SCYL2: variants seen among roughly 807,000 people sequenced by gnomAD.
SCYL2 encodes SCY1-like protein 2.
Under a neutral mutation model 100.4 loss-of-function variants are expected in SCYL2, and 36 were observed. The ratio of observed to expected loss-of-function variants is 0.36; its 90% CI spans 0.27 to 0.47. The LOEUF (loss-of-function observed/expected upper bound fraction) is 0.47. Among genes scored for constraint, SCYL2 ranks in the 20% least tolerant of loss-of-function variants. SCYL2 has a pLI of 1.00. For synonymous variants in SCYL2, 330 were observed against 359.2 expected (o/e 0.92, Z 0.92); for missense variants, 902 against 1,083.9 (o/e 0.83, Z 2.36).
chr12:100,284,652 G>T (rs999364179), intron 2 of SCYL2, among the ~76,000 whole-genome samples: 1 of 152,046 alleles, frequency 6.6e-6, no homozygotes. Context: ...TAGTAGAGAC[G>T]GGGTTTCACC....
chr12:100,325,401 A>G lies in SCYL2; in HGVS notation c.1510-1221A>G, dbSNP rs1232628958. On this transcript the variant is annotated intron_variant, in intron 11 of 17. Transcript: ENST00000360820. ...GTTTACAAGAAGTTATAATGAATGTATTTATATTTAGAACAGTAACTAGGA... is the reference window on the plus strand; with the variant it reads ...GTTTACAAGAAGTTATAATGAATGTGTTTATATTTAGAACAGTAACTAGGA... Among the ~76,000 whole-genome samples the G allele has an allele frequency of 2.6e-5, 4 of 152,344 alleles. No homozygotes were observed. The East Asian group carries it at 5.8e-4, about 22-fold the overall frequency.
At chr12:100,296,499 A>G (rs577859028) in intron 3 of SCYL2, among the ~76,000 whole-genome samples, 47 of 152,290 alleles carry the variant, frequency 3.1e-4, no homozygotes, top group African/African-American at 9.1e-4. Flanking sequence ...AAAAGGAGGA[A>G]TATTGTCGTA....
In SCYL2 at chr12:100,291,533, C is replaced by T; in HGVS notation, c.208C>T (p.Leu70=). Residue 70 remains leucine (L), a synonymous_variant, in exon 3 of 18, where the codon CTG becomes TTG. Transcript: ENST00000360820. ...EVAVFVFDKK[L]IDKYQKFEKD... ...GGCAGTTTTTGTCTTTGATAAAAAA[C>T]TGATTGACAAGTATCAAAAATTTGA... 1.9e-6 allele frequency: 3 copies of T among 1,571,518 alleles called. No individual in the cohort carries two copies. The highest frequency in any genetic ancestry group is 1.7e-6 in the Non-Finnish European group (2 of 1,164,366).
In SCYL2 at chr12:100,341,357, G is replaced by A. The variant is rs1382664032; in HGVS notation, c.*2185G>A. 6.6e-6 allele frequency: 1 copy of A among 152,142 alleles called. No individual in the cohort carries two copies. Among genetic ancestry groups the A allele is most frequent in the Non-Finnish European group, 1.5e-5 (1 of 68,000 alleles). 9.4% of individuals were successfully genotyped at this position (152,142 alleles called of 1,614,324 possible). On this transcript the variant is annotated 3_prime_UTR_variant, in exon 18 of 18. Coordinates refer to ENST00000360820, the MANE Select transcript of SCYL2 (RefSeq NM_017988.6). ...TATTTCACGTACTGAAGACAATTAA[G>A]TCCGTTATGTTTAGAGTAGAAAATG...
At chr12:100,278,693 G>C (rs1320795555) in intron 1 of SCYL2, among the ~76,000 whole-genome samples, 2 of 147,548 alleles carry the variant, frequency 1.4e-5, no homozygotes, top group Non-Finnish European at 3.0e-5. Context: ...GCAGTGGCGT[G>C]ATCTCGGCTT....
At chr12:100,317,428 C>G (rs1307235008) in intron 9 of SCYL2, among the ~76,000 whole-genome samples, 3 of 152,110 alleles carry the variant, frequency 2.0e-5, no homozygotes, top group African/African-American at 7.2e-5. Flanking sequence ...TCTGTACTTT[C>G]TTTTTCTCTT....
chr12:100,332,625 A>G (rs993571523), intron 13 of SCYL2, among the ~76,000 whole-genome samples: 4 of 152,184 alleles, frequency 2.6e-5, no homozygotes, highest in South Asian at 4.1e-4. Context: ...AAGTTTACCC[A>G]AAGAGTATGA....
intron 2 of SCYL2, among the ~76,000 whole-genome samples, chr12:100,286,985 G>C (rs1261205549): frequency 6.6e-6 from 1 of 151,874 alleles, no homozygotes; most frequent in East Asian, 1.9e-4. Flanking sequence ...TTGCTTTACT[G>C]TTTTGAAGAA....
intron 1 of SCYL2, among the ~76,000 whole-genome samples, chr12:100,281,033 T>G (rs995467712): frequency 7.4e-5 from 10 of 135,098 alleles, no homozygotes; most frequent in African/African-American, 2.5e-4. Flanking sequence ...TTTTTTTTTT[T>G]TTTTTTTTTT....
chr12:100,271,758 A>G (rs2096287918), intron 1 of SCYL2, among the ~76,000 whole-genome samples: 1 of 151,996 alleles, frequency 6.6e-6, no homozygotes, highest in Admixed American at 6.5e-5. Context: ...TCTGCTTTAT[A>G]ATATTTTATT....
At chr12:100,318,633 C>T (rs556403221) in intron 10 of SCYL2, among the ~76,000 whole-genome samples, 2 of 152,076 alleles carry the variant, frequency 1.3e-5, no homozygotes, top group East Asian at 1.9e-4. Flanking sequence ...GGCGTGGCCA[C>T]GTGTGCCTTT....
intron 11 of SCYL2, 48 bp from the exon 12 acceptor site, chr12:100,326,574 A>T: frequency 7.2e-7 from 1 of 1,389,388 alleles, no homozygotes; most frequent in Non-Finnish European, 9.7e-7. Flanking sequence ...ATTTTGTTCT[A>T]GATTTTGAAA....
At chr12:100,330,784 A>G (rs1469737800) in intron 13 of SCYL2, among the ~76,000 whole-genome samples, 1 of 151,916 alleles carries the variant, frequency 6.6e-6, no homozygotes, top group Non-Finnish European at 1.5e-5. Flanking sequence ...ATTTGAAGTA[A>G]TAGGGTAAGC....
rs565967471 is a variant in SCYL2, at chr12:100,338,174, T to C, written c.2146-354T>C. On this transcript the variant is annotated intron_variant, in intron 17 of 17. Transcript: ENST00000360820. ...TTTAAGAATAGAGGAAACAAATTCC[T>C]ATAAAGTTTTGATGAAATTCAAACT... 3.3e-5 allele frequency among the ~76,000 whole-genome samples: 5 copies of C among 152,348 alleles called. No individual in the cohort carries two copies. The South Asian group carries it at 1.0e-3, about 32-fold the overall frequency.
chr12:100,298,571 C>G (rs58264978), intron 4 of SCYL2, among the ~76,000 whole-genome samples: 1 of 151,960 alleles, frequency 6.6e-6, no homozygotes, highest in Non-Finnish European at 1.5e-5. Flanking sequence ...TTTTTTGAGA[C>G]GGAGTTTCAC....
At chr12:100,300,773 T>C (rs1485976748) in intron 4 of SCYL2, among the ~76,000 whole-genome samples, 2 of 152,192 alleles carry the variant, frequency 1.3e-5, no homozygotes, top group Non-Finnish European at 2.9e-5. Flanking sequence ...CCCTGAGTTA[T>C]TTTGCTTAAC....
intron 1 of SCYL2, among the ~76,000 whole-genome samples, chr12:100,276,110 T>C (rs944265950): frequency 2.6e-5 from 4 of 152,250 alleles, no homozygotes; most frequent in African/African-American, 9.6e-5. Context: ...TTTATTGCCA[T>C]TGCATTATTT....
chr12:100,308,548 G>A (rs188933499), intron 4 of SCYL2, among the ~76,000 whole-genome samples: 1 of 152,218 alleles, frequency 6.6e-6, no homozygotes, highest in East Asian at 1.9e-4. Context: ...GTGACTGGTT[G>A]ATGGGTGCAG....
chr12:100,308,196 T>C (rs2096337080), intron 4 of SCYL2, among the ~76,000 whole-genome samples: 1 of 152,202 alleles, frequency 6.6e-6, no homozygotes, highest in East Asian at 1.9e-4. Flanking sequence ...CACGTATGTT[T>C]ATTGCAGCAC....
Sources: allele counts gnomAD v4.1 joint callset (sites outside exome capture counted in the v4.1 genomes callset), GRCh38; gene constraint gnomAD v4.1.1; transcripts MANE v1.5; gene names NCBI Gene and HGNC (gene_info 2026-07-23, HGNC 2026-07-21).